The following SDK1 variants were observed in gnomAD, a reference collection of about 807,000 sequenced individuals.
The protein encoded by SDK1 is protein sidekick-1.
In SDK1, 157 loss-of-function variants were observed where a neutral mutation model predicts 245.5. The observed-to-expected ratio is 0.64, with a 90% confidence interval of 0.56 to 0.73. SDK1 has a LOEUF of 0.73. SDK1 is among the 30% of genes least tolerant of loss of function. The pLI is 0.00. For missense variants in SDK1, 3,583 were observed against 3,002.3 expected, an observed-to-expected ratio of 1.19 and a Z score of -4.52; for synonymous variants, 1,647 against 1,278.5, an observed-to-expected ratio of 1.29 and a Z score of -6.15.
chr7:4,204,267 A>G (rs1373405914), intron 35 of SDK1, among the ~76,000 whole-genome samples: 1 of 152,256 alleles, frequency 6.6e-6, no homozygotes, highest in African/African-American at 2.4e-5. Flanking sequence ...TGTGGCTGTT[A>G]AAATTCCTCC....
intron 1 of SDK1, among the ~76,000 whole-genome samples, chr7:3,587,994 G>C (rs936564426): frequency 5.3e-5 from 8 of 152,218 alleles, no homozygotes; most frequent in African/African-American, 1.9e-4. Context: ...CTCTTGAAAA[G>C]CTGCGGGTAA....
intron 14 of SDK1, among the ~76,000 whole-genome samples, chr7:4,010,612 A>T (rs570516268): frequency 6.6e-6 from 1 of 152,332 alleles, no homozygotes; most frequent in African/African-American, 2.4e-5. Context: ...CTGGGAGACA[A>T]ATCTGCAATC....
intron 1 of SDK1, among the ~76,000 whole-genome samples, chr7:3,375,029 A>G (rs7780894): frequency 0.13 from 19,168 of 152,262 alleles, 1,503 homozygotes; most frequent in African/African-American, 0.22. Context: ...TAGTGAATTA[A>G]TGTGCAGTGA....
At chr7:3,425,764 A>T (rs912823109) in intron 1 of SDK1, among the ~76,000 whole-genome samples, 37 of 152,210 alleles carry the variant, frequency 2.4e-4, no homozygotes, top group African/African-American at 8.2e-4. Context: ...GAAGACTAAC[A>T]GCCTTTTATT....
At chr7:3,823,018 G>C (rs763760613) in intron 5 of SDK1, among the ~76,000 whole-genome samples, 2 of 152,058 alleles carry the variant, frequency 1.3e-5, no homozygotes, top group Non-Finnish European at 2.9e-5. Flanking sequence ...ATTGAATCTC[G>C]CTCTGCAGAA....
intron 22 of SDK1, among the ~76,000 whole-genome samples, chr7:4,091,545 G>A (rs1285221749): frequency 4.0e-5 from 6 of 151,806 alleles, no homozygotes; most frequent in Admixed American, 2.0e-4. Context: ...GTTTTACCAT[G>A]TTGGCCAGGC....
intron 1 of SDK1, among the ~76,000 whole-genome samples, chr7:3,452,822 T>C (rs1238145067): frequency 1.3e-5 from 2 of 152,172 alleles, no homozygotes; most frequent in African/African-American, 2.4e-5. Flanking sequence ...AAGAGTCCAA[T>C]TCCTCTTCCC....
intron 4 of SDK1, among the ~76,000 whole-genome samples, chr7:3,795,283 G>A (rs1483618498): frequency 6.6e-6 from 1 of 152,130 alleles, no homozygotes; most frequent in Non-Finnish European, 1.5e-5. Flanking sequence ...TTAGAGGCAT[G>A]TTGGATAGGG....
At chr7:4,136,166 C>T (rs1011315941) in intron 28 of SDK1, among the ~76,000 whole-genome samples, 2 of 152,192 alleles carry the variant, frequency 1.3e-5, no homozygotes, top group Non-Finnish European at 2.9e-5. Context: ...ACCTGCGAGG[C>T]AGACAACGTC....
chr7:3,581,458 CATT>C, intron 1 of SDK1, among the ~76,000 whole-genome samples: 1 of 152,300 alleles, frequency 6.6e-6, no homozygotes, highest in East Asian at 1.9e-4. Flanking sequence ...TGCCATCTCA[CATT>C]AGTCAGAATG....
At chr7:3,532,661 A>G (rs1326086172) in intron 1 of SDK1, among the ~76,000 whole-genome samples, 2 of 152,192 alleles carry the variant, frequency 1.3e-5, no homozygotes, top group East Asian at 3.8e-4. Context: ...GTCTTGATAA[A>G]TAAAGAAGGC....
chr7:4,163,308 A>G (rs773085120), intron 32 of SDK1, among the ~76,000 whole-genome samples: 12 of 152,156 alleles, frequency 7.9e-5, no homozygotes, highest in Admixed American at 3.3e-4. Context: ...CTCAAGGACA[A>G]TGGCAGGGTG....
Position 3,698,340 on chromosome 7 carries a change from C to T in SDK1, c.713+56235C>T, listed in dbSNP as rs572284173. On this transcript the variant is annotated intron_variant, in intron 4 of 44. Transcript: ENST00000404826. The stretch of plus-strand genomic sequence containing the variant: ...GGCTTGTGTCTCCTCGGTGTGGTCA[C>T]GCGTTCCCTCTCACGGTATTGGAGA... Among the ~76,000 whole-genome samples, 7 of 152,290 alleles carry T rather than the reference C, an allele frequency of 4.6e-5. No individual in the cohort carries two copies. The South Asian group carries it at 1.2e-3, about 27-fold the overall frequency.
intron 1 of SDK1, among the ~76,000 whole-genome samples, chr7:3,445,953 C>T (rs1780329762): frequency 6.6e-6 from 1 of 151,712 alleles, no homozygotes; most frequent in Non-Finnish European, 1.5e-5. Context: ...GAGACAAATT[C>T]TCTTTATTAT....
At chr7:3,484,680 C>A (rs1460736984) in intron 1 of SDK1, among the ~76,000 whole-genome samples, 2 of 152,170 alleles carry the variant, frequency 1.3e-5, no homozygotes, top group Non-Finnish European at 2.9e-5. Flanking sequence ...CCCTTCCTAG[C>A]CTCTGGGAAA....
intron 22 of SDK1, among the ~76,000 whole-genome samples, chr7:4,080,363 T>C (rs538636283): frequency 2.6e-5 from 4 of 152,290 alleles, no homozygotes; most frequent in African/African-American, 9.6e-5. Flanking sequence ...CACTTCCATG[T>C]TCCAATAAAA....
At chr7:3,443,772 G>A (rs1780264207) in intron 1 of SDK1, among the ~76,000 whole-genome samples, 2 of 152,128 alleles carry the variant, frequency 1.3e-5, no homozygotes, top group Non-Finnish European at 2.9e-5. Context: ...GCAGCGTAAT[G>A]GCTTTTATTT....
chr7:4,214,518 G>A (rs1018322456), intron 38 of SDK1, among the ~76,000 whole-genome samples: 27 of 152,206 alleles, frequency 1.8e-4, no homozygotes, highest in African/African-American at 5.3e-4. Context: ...AGATTAGAGC[G>A]AGAGGGGAGC....
At chr7:4,221,120 A>C in intron 39 of SDK1, 119 bp from the exon 40 acceptor site, 1 of 1,243,562 alleles carries the variant, frequency 8.0e-7, no homozygotes, top group South Asian at 1.5e-5. Context: ...AGGTTAAGTA[A>C]CCTGCCCAGA....
Sources: gnomAD v4.1 joint callset for allele counts (sites outside exome capture counted in the v4.1 genomes callset) on GRCh38, gnomAD v4.1.1 for gene constraint, MANE v1.5 for transcripts, NCBI Gene and HGNC (gene_info 2026-07-23, HGNC 2026-07-21) for gene names.